The following GPR141 variants were observed in gnomAD, a reference collection of about 807,000 sequenced individuals.
GPR141 encodes the protein probable G protein-coupled receptor 141.
GPR141 carries 6 observed loss-of-function variants against 6.8 expected under a neutral mutation model. The ratio of observed to expected loss-of-function variants is 0.88; its 90% CI spans 0.48 to 1.74. GPR141 has a LOEUF of 1.74. Among genes scored for constraint, GPR141 ranks in the 40% most tolerant of loss-of-function variants. The probability of loss-of-function intolerance (pLI) is 0.01; values close to 1 mark genes in which losing one functional copy is unlikely to be tolerated. For missense variants in GPR141, 372 were observed against 372.9 expected, an observed-to-expected ratio of 1.00 and a Z score of 0.02; for synonymous variants, 140 against 142.3, an observed-to-expected ratio of 0.98 and a Z score of 0.11.
intron 2 of GPR141, among the ~76,000 whole-genome samples, chr7:37,692,759 T>C (rs2392509): frequency 0.34 from 52,006 of 152,082 alleles, 9,068 homozygotes; most frequent in Middle Eastern, 0.39. Context: ...GATGATGAGC[T>C]TTTTTTCATA....
In GPR141 at chr7:37,740,685, C is replaced by T; in HGVS notation, c.292C>T (p.His98Tyr). The part of the protein sequence containing the change: ...CKFVSAMLHI[H>Y]MYLTFLFYVV... The stretch of plus-strand genomic sequence containing the variant: ...ATTTGTGAGTGCCATGCTGCACATC[C>T]ACATGTACCTCACGTTCCTATTCTA... Residue 98 changes from histidine to tyrosine, a missense_variant, in exon 3 of 3, where the codon CAC becomes TAC. Physicochemically the swap from His to Tyr is moderately conservative, Grantham distance 83. Transcript: ENST00000334425. 1 of 1,614,116 alleles carries T rather than the reference C, an allele frequency of 6.2e-7. No individual in the cohort carries two copies. The highest frequency in any genetic ancestry group is 8.5e-7 in the Non-Finnish European group (1 of 1,180,002).
intron 2 of GPR141, among the ~76,000 whole-genome samples, chr7:37,695,746 G>A (rs988685842): frequency 1.3e-5 from 2 of 152,044 alleles, no homozygotes; most frequent in Non-Finnish European, 2.9e-5. Flanking sequence ...TGTGCTAGGG[G>A]CTTCTAGTCA....
chr7:37,710,061 TGA>T (rs1810716865), intron 2 of GPR141, among the ~76,000 whole-genome samples: 1 of 152,228 alleles, frequency 6.6e-6, no homozygotes, highest in Non-Finnish European at 1.5e-5. Context: ...GTAGAGAAAC[TGA>T]GAGTACGTGA....
At chr7:37,717,440 G>A (rs2131805346) in intron 2 of GPR141, among the ~76,000 whole-genome samples, 1 of 152,348 alleles carries the variant, frequency 6.6e-6, no homozygotes, top group Middle Eastern at 3.4e-3. Context: ...TGGAGGTTGT[G>A]TATTTGCTGA....
intron 2 of GPR141, among the ~76,000 whole-genome samples, chr7:37,701,466 G>C (rs186894567): frequency 9.6e-4 from 146 of 152,178 alleles, no homozygotes; most frequent in African/African-American, 3.4e-3. Flanking sequence ...TTCCTATGCA[G>C]ACTTGCCAGA....
At chr7:37,721,114 T>C (rs1811305325) in intron 2 of GPR141, among the ~76,000 whole-genome samples, 1 of 150,638 alleles carries the variant, frequency 6.6e-6, no homozygotes, top group South Asian at 2.1e-4. Flanking sequence ...ACTTCTGTGT[T>C]GCTGTGACCC....
intron 2 of GPR141, among the ~76,000 whole-genome samples, chr7:37,702,661 C>T (rs1175389872): frequency 6.6e-6 from 1 of 151,246 alleles, no homozygotes; most frequent in African/African-American, 2.4e-5. Context: ...GGGTGCAGCA[C>T]ACCAGCATGG....
intron 2 of GPR141, among the ~76,000 whole-genome samples, chr7:37,737,895 G>C (rs1026377213): frequency 7.2e-5 from 11 of 152,162 alleles, no homozygotes; most frequent in African/African-American, 2.7e-4. Flanking sequence ...GCCTAGTAAA[G>C]GGAATGGGAA....
rs776795668 is a variant in GPR141 at position 37,740,429 on chromosome 7, C to T, written c.36C>T (p.Cys12=). The change falls in exon 3 of 3, where the codon TGC becomes TGT. Residue 12 remains cysteine (C), a synonymous_variant. Transcript: ENST00000334425. Reference sequence around the variant, plus strand: ...ACAATACCTCCAGGAATTCCTCTTGCGATCCTATAGTGACACCCCACTTAA... The same window carrying T: ...ACAATACCTCCAGGAATTCCTCTTGTGATCCTATAGTGACACCCCACTTAA... The part of the protein sequence containing the change: ...PGHNTSRNSS[C]DPIVTPHLIS... 8 of 1,605,850 alleles carry T rather than the reference C, an allele frequency of 5.0e-6. No individual in the cohort carries two copies. The highest frequency in any genetic ancestry group is 2.2e-5 in the East Asian group (1 of 44,712).
intron 1 of GPR141, among the ~76,000 whole-genome samples, chr7:37,684,490 C>T (rs1280384972): frequency 6.6e-6 from 1 of 152,116 alleles, no homozygotes; most frequent in Non-Finnish European, 1.5e-5. Context: ...CTGAAAATAA[C>T]TTCTTAAATA....
rs565082690 is a variant in GPR141 at position 37,702,507 on chromosome 7, A to T, written c.-15+16924A>T. Among the ~76,000 whole-genome samples, 7 of 152,108 alleles carry T rather than the reference A, an allele frequency of 4.6e-5. No individual in the cohort carries two copies. In the East Asian group the frequency reaches 1.2e-3, roughly 25 times the overall value. On this transcript the variant is annotated intron_variant, in intron 2 of 2. Coordinates refer to ENST00000334425, the MANE Select transcript of GPR141 (RefSeq NM_001381946.1). ...ATTGCTGTCAAATACAAATTTTCAC[A>T]TTAGTTTAAGAAAACGGAAGTTAAA...
chr7:37,702,001 A>G (rs1412290321), intron 2 of GPR141, among the ~76,000 whole-genome samples: 2 of 152,104 alleles, frequency 1.3e-5, no homozygotes, highest in Non-Finnish European at 2.9e-5. Flanking sequence ...AGCAACCTAC[A>G]TGGTTTAAGG....
In GPR141 at chr7:37,722,131, A is replaced by G. The variant is rs146616596; in HGVS notation, c.-14-18249A>G. ...TGTCATATGACCACTTTTTTATTGG[A>G]CACCACCTTCTGGAAAAATCTAAAA... On this transcript the variant is annotated intron_variant, in intron 2 of 2. Transcript: ENST00000334425. Among the ~76,000 whole-genome samples the G allele has an allele frequency of 5.9e-5, 9 of 152,316 alleles. No individual in the cohort carries two copies. The East Asian group carries it at 1.7e-3, about 29-fold the overall frequency.
intron 2 of GPR141, among the ~76,000 whole-genome samples, chr7:37,716,658 T>A (rs1249688981): frequency 1.3e-5 from 2 of 152,214 alleles, no homozygotes; most frequent in Non-Finnish European, 2.9e-5. Flanking sequence ...AAAAGTATAA[T>A]TTCTTGTTGG....
intron 2 of GPR141, among the ~76,000 whole-genome samples, chr7:37,738,811 A>G (rs1176266791): frequency 6.6e-6 from 1 of 152,164 alleles, no homozygotes; most frequent in Non-Finnish European, 1.5e-5. Context: ...ATCTTGAGCT[A>G]TCTGATTTGC....
At chr7:37,693,165 G>A (rs1026593112) in intron 2 of GPR141, among the ~76,000 whole-genome samples, 2 of 152,114 alleles carry the variant, frequency 1.3e-5, no homozygotes, top group Non-Finnish European at 2.9e-5. Context: ...TAACCATCTT[G>A]AGTTAATTTT....
intron 2 of GPR141, among the ~76,000 whole-genome samples, chr7:37,732,834 C>T (rs146374780): frequency 7.2e-5 from 11 of 152,210 alleles, no homozygotes; most frequent in Middle Eastern, 3.4e-3. Context: ...TCTCCTGAGA[C>T]GCAGATAAAA....
intron 2 of GPR141, among the ~76,000 whole-genome samples, chr7:37,690,875 TC>T (rs1182028863): frequency 2.6e-5 from 4 of 152,228 alleles, no homozygotes; most frequent in African/African-American, 9.6e-5. Flanking sequence ...TTGTTTATTT[TC>T]GCTCTATATC....
At chr7:37,715,182 A>G (rs372099605) in intron 2 of GPR141, among the ~76,000 whole-genome samples, 55 of 152,256 alleles carry the variant, frequency 3.6e-4, no homozygotes, top group African/African-American at 1.3e-3. Context: ...GTGCAGTGGC[A>G]TGATCACAGC....
Sources: allele counts gnomAD v4.1 joint callset (sites outside exome capture counted in the v4.1 genomes callset), GRCh38; gene constraint gnomAD v4.1.1; transcripts MANE v1.5; gene names NCBI Gene and HGNC (gene_info 2026-07-23, HGNC 2026-07-21).